RBM25: variants seen among roughly 807,000 people sequenced by gnomAD.
RBM25 encodes the protein RNA-binding protein 25.
Under a neutral mutation model 120.7 loss-of-function variants are expected in RBM25, and 19 were observed. That is an observed-to-expected ratio of 0.16 (90% CI 0.11 to 0.23). The LOEUF (loss-of-function observed/expected upper bound fraction) is 0.23, where lower values mean the gene tolerates loss of function less well. Among genes scored for constraint, RBM25 ranks in the 10% least tolerant of loss-of-function variants. The probability of loss-of-function intolerance (pLI) is 1.00; values close to 1 mark genes in which losing one functional copy is unlikely to be tolerated. For missense variants in RBM25, 605 were observed against 1,041.5 expected (o/e 0.58, Z 5.77); for synonymous variants, 390 against 326.7 (o/e 1.19, Z -2.09).
At chr14:73,103,930 TCTCTCTCTCTCTCTCTCTCACACACA>T (rs1190853958) in intron 10 of RBM25, among the ~76,000 whole-genome samples, 930 of 76,848 alleles carry the variant, frequency 0.012, 5 homozygotes, top group African/African-American at 0.045. Context: ...TCTCTCTCTC[TCTCTCTCTCTCTCTCTCTCACACACA>T]CACACACACA....
intron 6 of RBM25, among the ~76,000 whole-genome samples, chr14:73,094,957 A>G (rs988916310): frequency 6.6e-6 from 1 of 151,712 alleles, no homozygotes; most frequent in African/African-American, 2.4e-5. Context: ...CCTGGGTTCA[A>G]GCAATTCTCT....
At chr14:73,064,142 C>G (rs986137540) in intron 1 of RBM25, among the ~76,000 whole-genome samples, 4 of 151,478 alleles carry the variant, frequency 2.6e-5, no homozygotes, top group South Asian at 2.1e-4. Context: ...CTCCATAGCT[C>G]TCTTCCCTAA....
At chr14:73,100,508 G>A (rs1288932869) in intron 9 of RBM25, 1 of 467,784 alleles carries the variant, frequency 2.1e-6, no homozygotes, top group East Asian at 3.2e-5. Context: ...CTCAATGACA[G>A]TGCATCTGTG....
intron 10 of RBM25, among the ~76,000 whole-genome samples, chr14:73,104,975 C>T (rs1471257089): frequency 6.7e-6 from 1 of 149,224 alleles, no homozygotes; most frequent in African/African-American, 2.5e-5. Flanking sequence ...GTGTAAAATC[C>T]ATCTCTTATA....
Position 73,103,498 on chromosome 14 carries a change from A to G in RBM25, c.1154+20A>G, listed in dbSNP as rs771753922. 4 of 1,547,976 alleles carry G rather than the reference A, an allele frequency of 2.6e-6. No individual in the cohort carries two copies. The highest frequency in any genetic ancestry group is 4.2e-5 in the Admixed American group (2 of 47,594). Reference sequence around the variant, plus strand: ...ATCAAGGTAAGGCTTTACAGAAGTTACTGTTTCCTGATAGCTTTAAGAAAA... The same window carrying G: ...ATCAAGGTAAGGCTTTACAGAAGTTGCTGTTTCCTGATAGCTTTAAGAAAA... On this transcript the variant is annotated intron_variant, in intron 10 of 18. Transcript: ENST00000261973.
intron 1 of RBM25, among the ~76,000 whole-genome samples, chr14:73,060,084 G>C (rs143583458): frequency 0.017 from 2,580 of 152,120 alleles, 51 homozygotes; most frequent in East Asian, 0.048. Flanking sequence ...GTGTTGCCCA[G>C]GCTGGAGTGC....
intron 5 of RBM25, among the ~76,000 whole-genome samples, chr14:73,087,691 G>C (rs1036148540): frequency 1.3e-5 from 2 of 152,130 alleles, no homozygotes; most frequent in Non-Finnish European, 2.9e-5. Flanking sequence ...CACCGCGCCC[G>C]GCCAATTGAC....
intron 6 of RBM25, among the ~76,000 whole-genome samples, chr14:73,088,930 C>A (rs1201018797): frequency 6.6e-6 from 1 of 152,186 alleles, no homozygotes; most frequent in East Asian, 1.9e-4. Flanking sequence ...CACCTGAGGT[C>A]AGGAGTTCGA....
intron 6 of RBM25, among the ~76,000 whole-genome samples, chr14:73,093,367 C>T (rs868200362): frequency 1.3e-5 from 2 of 152,346 alleles, no homozygotes; most frequent in Middle Eastern, 6.8e-3. Flanking sequence ...TTCACAGCTA[C>T]TAGCTTTACT....
chr14:73,097,206 T>C lies in RBM25; in HGVS notation c.729+106T>C, dbSNP rs1467624723. ...TTTCTTTTTTCTTTTCTTTTTTTTT[T>C]TTTTTTTTTTTTGAGATGGAGGCTC... On this transcript the variant is annotated intron_variant, in intron 7 of 18. Coordinates refer to ENST00000261973, the MANE Select transcript of RBM25 (RefSeq NM_021239.3). 5.1e-4 allele frequency: 388 copies of C among 759,028 alleles called. 10 individuals carry two copies. Among genetic ancestry groups the C allele is most frequent in the South Asian group, 1.3e-3 (34 of 25,604 alleles). The allele number at this position is 759,028 out of a possible 1,614,324, so 47.0% of individuals were successfully genotyped here. A position where few individuals can be genotyped will look rare whatever the true frequency, so the allele number is the denominator to read the frequency against.
chr14:73,121,991 G>A lies in RBM25; in HGVS notation c.*2186G>A, dbSNP rs962987102. On this transcript the variant is annotated 3_prime_UTR_variant, in exon 19 of 19. Transcript: ENST00000261973. ...AGAAACTGTTAATCGCTTAATGCCA[G>A]TTTAAATCATGTTTTGTAACCAAGC... The A allele has an allele frequency of 7.9e-5, 12 of 152,182 alleles. No individual in the cohort carries two copies. Among genetic ancestry groups the A allele is most frequent in the African/African-American group, 2.7e-4 (11 of 41,448 alleles). 9.4% of individuals were successfully genotyped at this position (152,182 alleles called of 1,614,324 possible). A position where few individuals can be genotyped will look rare whatever the true frequency, so the allele number is the denominator to read the frequency against.
At chr14:73,103,151 G>GC in intron 9 of RBM25, 41 bp from the exon 10 acceptor site, 1 of 1,582,068 alleles carries the variant, frequency 6.3e-7, no homozygotes, top group Non-Finnish European at 8.6e-7. Flanking sequence ...GAATACTGGA[G>GC]CTACAGAGTT....
intron 14 of RBM25, 110 bp downstream of exon 14, chr14:73,109,602 G>A (rs1156352039): frequency 7.9e-6 from 8 of 1,011,286 alleles, no homozygotes; most frequent in Non-Finnish European, 1.2e-5. Flanking sequence ...GATCATCCTG[G>A]CTAACACGGT....
chr14:73,110,406 A>G (rs1433799088), intron 14 of RBM25, among the ~76,000 whole-genome samples: 2 of 151,058 alleles, frequency 1.3e-5, no homozygotes, highest in Non-Finnish European at 3.0e-5. Flanking sequence ...GGATTGAGCC[A>G]CTGCCCATGT....
intron 4 of RBM25, among the ~76,000 whole-genome samples, chr14:73,080,755 A>G (rs1358723758): frequency 6.6e-6 from 1 of 151,994 alleles, no homozygotes; most frequent in African/African-American, 2.4e-5. Flanking sequence ...TATTATGTAA[A>G]TAGTTTTAGC....
At chr14:73,063,747 G>C (rs926011136) in intron 1 of RBM25, among the ~76,000 whole-genome samples, 4 of 151,210 alleles carry the variant, frequency 2.6e-5, no homozygotes, top group African/African-American at 9.7e-5. Context: ...CTTGTATCCT[G>C]TTCCCTTCCA....
intron 1 of RBM25, chr14:73,068,391 T>C: frequency 1.6e-6 from 1 of 622,782 alleles, no homozygotes; most frequent in Non-Finnish European, 2.8e-6. Context: ...TATTTGATTT[T>C]TTTTTTTTTT....
At chr14:73,071,172 G>A (rs1895279082) in intron 1 of RBM25, among the ~76,000 whole-genome samples, 1 of 151,060 alleles carries the variant, frequency 6.6e-6, no homozygotes, top group African/African-American at 2.4e-5. Flanking sequence ...AACCCGGGAG[G>A]CGGAGGTTGC....
Position 73,121,745 on chromosome 14 carries a change from G to C in RBM25, c.*1940G>C, listed in dbSNP as rs1200753078. On this transcript the variant is annotated 3_prime_UTR_variant, in exon 19 of 19. Transcript: ENST00000261973. ...TATTCAGGTAGATTTGATTTCCTTT[G>C]CTTCGTTTCTTCTCCTGCTCTGTCA... 6.6e-6 allele frequency: 1 copy of C among 152,084 alleles called. No homozygotes were observed. The highest frequency in any genetic ancestry group is 1.5e-5 in the Non-Finnish European group (1 of 68,028). 9.4% of individuals were successfully genotyped at this position (152,084 alleles called of 1,614,324 possible). A position where few individuals can be genotyped will look rare whatever the true frequency, so the allele number is the denominator to read the frequency against.
Sources: allele counts gnomAD v4.1 joint callset (sites outside exome capture counted in the v4.1 genomes callset), GRCh38; gene constraint gnomAD v4.1.1; transcripts MANE v1.5; gene names NCBI Gene and HGNC (gene_info 2026-07-23, HGNC 2026-07-21).